MYO3B: variants seen among roughly 807,000 people sequenced by gnomAD.
The protein encoded by MYO3B is myosin-IIIb.
A neutral mutation model predicts 174.6 loss-of-function variants in MYO3B; 156 were observed. The ratio of observed to expected loss-of-function variants is 0.89; its 90% CI spans 0.78 to 1.02. MYO3B has a LOEUF of 1.02. Ranked by LOEUF, MYO3B falls within the 50% of genes least tolerant of loss-of-function variation. The pLI is 0.00. For missense variants in MYO3B, 1,632 were observed against 1,639.4 expected (o/e 1.00, Z 0.08); for synonymous variants, 563 against 569.1 (o/e 0.99, Z 0.15).
Position 170,382,098 on chromosome 2 carries a change from G to C in MYO3B, c.1054G>C (p.Glu352Gln), listed in dbSNP as rs56179904. 596 of 1,613,050 alleles carry C rather than the reference G, an allele frequency of 3.7e-4. 2 individuals are homozygous for C. The African/African-American group carries it at 6.5e-3, about 17-fold the overall frequency. Residue 352 changes from glutamate to glutamine, a missense_variant, in exon 10 of 35, where the codon GAG (glutamate) becomes CAG (glutamine). Glu to Gln is a conservative substitution (Grantham distance 29). Coordinates refer to ENST00000408978, the MANE Select transcript of MYO3B (RefSeq NM_138995.5). The part of the protein sequence containing the change: ...YCLEDDLVNL[E>Q]VLDEDTIIHQ... ...CCTTGAGGATGATTTGGTCAACCTA[G>C]AGGTTCTGGATGAGGTACTAAATAT...
chr2:170,567,780 A>G (rs1479956857), intron 32 of MYO3B, among the ~76,000 whole-genome samples: 1 of 152,228 alleles, frequency 6.6e-6, no homozygotes, highest in Non-Finnish European at 1.5e-5. Flanking sequence ...GTAGCATCTT[A>G]AGTAGTCTTG....
chr2:170,259,253 T>G (rs545866956), intron 7 of MYO3B, among the ~76,000 whole-genome samples: 16 of 152,138 alleles, frequency 1.1e-4, no homozygotes, highest in African/African-American at 3.9e-4. Context: ...CCCAAATAGC[T>G]GAAGCAATCC....
chr2:170,489,941 A>G (rs1207513653), intron 25 of MYO3B, among the ~76,000 whole-genome samples: 1 of 151,926 alleles, frequency 6.6e-6, no homozygotes, highest in Admixed American at 6.6e-5. Flanking sequence ...TTCAATGTAC[A>G]GGTTTTATAC....
chr2:170,385,660 C>G (rs530302097), intron 12 of MYO3B, among the ~76,000 whole-genome samples: 5 of 152,212 alleles, frequency 3.3e-5, no homozygotes, highest in African/African-American at 1.2e-4. Context: ...AGGCCTCATT[C>G]ATAATTTTTA....
At chr2:170,449,526 C>G (rs995461337) in intron 23 of MYO3B, among the ~76,000 whole-genome samples, 2 of 151,996 alleles carry the variant, frequency 1.3e-5, no homozygotes, top group South Asian at 4.1e-4. Flanking sequence ...GCCTGTAATC[C>G]CAGCACTTTG....
chr2:170,569,878 A>G (rs1335464994), intron 32 of MYO3B, among the ~76,000 whole-genome samples: 1 of 150,694 alleles, frequency 6.6e-6, no homozygotes, highest in Non-Finnish European at 1.5e-5. Flanking sequence ...AAAAAAAAAA[A>G]AAGTAAGAAA....
intron 6 of MYO3B, among the ~76,000 whole-genome samples, chr2:170,227,540 C>T (rs1052276600): frequency 2.0e-5 from 3 of 152,200 alleles, no homozygotes; most frequent in Admixed American, 6.5e-5. Flanking sequence ...CTGTTTTGGC[C>T]TCTCAAAGTG....
chr2:170,438,642 C>CT (rs61033459), intron 22 of MYO3B, among the ~76,000 whole-genome samples: 23,073 of 149,178 alleles, frequency 0.15, 1,975 homozygotes, highest in East Asian at 0.27. Flanking sequence ...GGTAATATTT[C>CT]TTTTTTTTTT....
intron 7 of MYO3B, among the ~76,000 whole-genome samples, chr2:170,297,928 C>A (rs1009679185): frequency 6.6e-6 from 1 of 151,894 alleles, no homozygotes; most frequent in Admixed American, 6.6e-5. Context: ...ATCATGAGAC[C>A]AAAGACAAAC....
chr2:170,313,214 T>C (rs757916451), intron 7 of MYO3B, among the ~76,000 whole-genome samples: 1 of 152,196 alleles, frequency 6.6e-6, no homozygotes, highest in Non-Finnish European at 1.5e-5. Context: ...GAGATAGTTA[T>C]TTCACCTTTC....
chr2:170,438,814 T>C (rs1375642286), intron 22 of MYO3B, among the ~76,000 whole-genome samples: 1 of 152,006 alleles, frequency 6.6e-6, no homozygotes, highest in Non-Finnish European at 1.5e-5. Context: ...TTTGTATTTT[T>C]AGTAGAGACA....
intron 32 of MYO3B, among the ~76,000 whole-genome samples, chr2:170,593,651 A>G (rs13425835): frequency 6.6e-6 from 1 of 152,120 alleles, no homozygotes; most frequent in Non-Finnish European, 1.5e-5. Context: ...AGATGTTGTT[A>G]TTATTCACAA....
chr2:170,653,166 T>C lies in MYO3B; in HGVS notation c.*45T>C, dbSNP rs748785782. 9 of 1,611,126 alleles carry C rather than the reference T, an allele frequency of 5.6e-6. No homozygotes were observed. Among genetic ancestry groups the C allele is most frequent in the African/African-American group, 1.3e-5 (1 of 74,816 alleles). ...AATCTGTCCAGAGTAGGAACATTCATGGTAATCGACTGTCTGTCATTGCGT... is the reference window on the plus strand; with the variant it reads ...AATCTGTCCAGAGTAGGAACATTCACGGTAATCGACTGTCTGTCATTGCGT... On this transcript the variant is annotated 3_prime_UTR_variant, in exon 35 of 35. Coordinates refer to ENST00000408978, the MANE Select transcript of MYO3B (RefSeq NM_138995.5).
At chr2:170,269,427 T>C (rs959081664) in intron 7 of MYO3B, among the ~76,000 whole-genome samples, 6 of 152,274 alleles carry the variant, frequency 3.9e-5, no homozygotes, top group Admixed American at 2.0e-4. Context: ...CCATTTTTTT[T>C]CCCCACCTAT....
intron 7 of MYO3B, among the ~76,000 whole-genome samples, chr2:170,329,555 ATTTT>A (rs752223902): frequency 3.5e-5 from 4 of 114,578 alleles, no homozygotes; most frequent in African/African-American, 9.7e-5. Context: ...TGATTTTTGT[ATTTT>A]TTTTTTTTTT....
intron 32 of MYO3B, among the ~76,000 whole-genome samples, chr2:170,616,642 A>G (rs962513008): frequency 2.0e-5 from 3 of 152,176 alleles, no homozygotes; most frequent in African/African-American, 4.8e-5. Flanking sequence ...ATTTTTTCCA[A>G]TTTTACACAT....
intron 8 of MYO3B, chr2:170,337,734 T>C (rs1007830067): frequency 6.6e-6 from 1 of 152,238 alleles, no homozygotes; most frequent in African/African-American, 2.4e-5. Context: ...CATAAACTGT[T>C]GATTAATACA....
intron 32 of MYO3B, among the ~76,000 whole-genome samples, chr2:170,637,347 A>T (rs1011870253): frequency 6.6e-6 from 1 of 151,532 alleles, no homozygotes; most frequent in African/African-American, 2.4e-5. Flanking sequence ...AATTTTTTGT[A>T]TTTTTAGTAG....
chr2:170,462,691 A>G (rs946414886), intron 23 of MYO3B, among the ~76,000 whole-genome samples: 1 of 152,286 alleles, frequency 6.6e-6, no homozygotes, highest in Non-Finnish European at 1.5e-5. Flanking sequence ...GCACTCTGCA[A>G]ACCAAAGCAG....
Sources: gnomAD v4.1 joint callset for allele counts (sites outside exome capture counted in the v4.1 genomes callset) on GRCh38, gnomAD v4.1.1 for gene constraint, MANE v1.5 for transcripts, NCBI Gene and HGNC (gene_info 2026-07-23, HGNC 2026-07-21) for gene names.